Variants in CYP2S1 observed in about 807,000 individuals in gnomAD.
CYP2S1 encodes the protein cytochrome P450 2S1.
In CYP2S1, 32 loss-of-function variants were observed where a neutral mutation model predicts 43.5. The ratio of observed to expected loss-of-function variants is 0.74; its 90% confidence interval spans 0.56 to 0.99. The LOEUF (loss-of-function observed/expected upper bound fraction) is 0.99, where lower values mean the gene tolerates loss of function less well. Among genes scored for constraint, CYP2S1 ranks in the 50% least tolerant of loss-of-function variants. The probability of loss-of-function intolerance (pLI) is 0.00; values close to 1 mark genes in which losing one functional copy is unlikely to be tolerated. For synonymous variants in CYP2S1, 283 were observed against 302.9 expected, an observed-to-expected ratio of 0.93 and a Z score of 0.68; for missense variants, 575 against 673.9, an observed-to-expected ratio of 0.85 and a Z score of 1.62.
In CYP2S1 at chr19:41,196,760, G is replaced by A. The variant is rs16975054; in HGVS notation, c.344-1019G>A. The stretch of plus-strand genomic sequence containing the variant: ...TGGAGCAGGTGTCTTGGATAAGGGA[G>A]GAAAATGGTGCAGTTCCATCCTCCT... On this transcript the variant is annotated intron_variant, in intron 2 of 8. Coordinates refer to ENST00000310054, the MANE Select transcript of CYP2S1 (RefSeq NM_030622.8). 1.1e-3 allele frequency among the ~76,000 whole-genome samples: 173 copies of A among 152,244 alleles called. 4 individuals are homozygous for A. The East Asian group carries it at 0.031, about 27-fold the overall frequency.
intron 5 of CYP2S1, among the ~76,000 whole-genome samples, chr19:41,200,090 C>T (rs1000780713): frequency 8.6e-5 from 13 of 151,990 alleles, no homozygotes; most frequent in African/African-American, 1.2e-4. Flanking sequence ...AAGAATGGGG[C>T]CAATTCTTTA....
chr19:41,198,562 C>A lies in CYP2S1; in HGVS notation c.594C>A (p.Phe198Leu). 2 of 1,614,202 alleles carry A rather than the reference C, an allele frequency of 1.2e-6. No homozygotes were observed. Among genetic ancestry groups the A allele is most frequent in the Non-Finnish European group, 1.7e-6 (2 of 1,180,034 alleles). Reference sequence around the variant, plus strand: ...GCTTCTCCTATGAGGATAAGGAGTTCCAGGCCGTGGTCCGGGCAGCTGGTG... The same window carrying A: ...GCTTCTCCTATGAGGATAAGGAGTTACAGGCCGTGGTCCGGGCAGCTGGTG... ...GLRFSYEDKE[F>L]QAVVRAAGGT... The change falls in exon 4 of 9, where the codon TTC becomes TTA. Residue 198 changes from phenylalanine to leucine, a missense_variant. Phe to Leu is a conservative substitution (Grantham distance 22). Around this residue, in one of 2 missense-constraint regions of CYP2S1, gnomAD observed 353 missense variants for 367.6 expected, o/e 0.96. Coordinates refer to ENST00000310054, the MANE Select transcript of CYP2S1 (RefSeq NM_030622.8). The surrounding 1 kb of genome is among the most constrained non-coding windows in gnomAD (Gnocchi z 4.9).
intron 6 of CYP2S1, among the ~76,000 whole-genome samples, chr19:41,202,821 C>G (rs997184632): frequency 1.6e-4 from 24 of 151,098 alleles, no homozygotes; most frequent in African/African-American, 5.8e-4. Flanking sequence ...AGAGAGAAGG[C>G]CAGGTACGGT....
In CYP2S1 at chr19:41,202,693, G is replaced by T. The variant is rs148599546; in HGVS notation, c.977-757G>T. On this transcript the variant is annotated intron_variant, in intron 6 of 8. Coordinates refer to ENST00000310054, the MANE Select transcript of CYP2S1 (RefSeq NM_030622.8). ...TGGTCATAGCTACTCAGGAGACTGA[G>T]GTGGAAGGATCACCTGAGCCCAGGA... Among the ~76,000 whole-genome samples the T allele has an allele frequency of 7.6e-4, 115 of 152,092 alleles. 2 individuals are homozygous for T. Among genetic ancestry groups the T allele is most frequent in the African/African-American group, 2.7e-3 (113 of 41,510 alleles).
intron 7 of CYP2S1, among the ~76,000 whole-genome samples, chr19:41,205,352 T>C (rs566606094): frequency 1.0e-5 from 1 of 98,996 alleles, no homozygotes; most frequent in African/African-American, 7.9e-5. Flanking sequence ...TTTTCTTTCT[T>C]TCTTTCTTTC....
chr19:41,201,475 G>A (rs1420542827), intron 6 of CYP2S1, 103 bp downstream of exon 6: 1 of 1,480,170 alleles, frequency 6.8e-7, no homozygotes, highest in African/African-American at 1.4e-5. Context: ...GGAGGCTGAG[G>A]CGGGCTGATC....
rs372811960 is a variant in CYP2S1 at position 41,203,617 on chromosome 19, C to A, written c.1144C>A (p.Arg382=). 7 of 1,546,288 alleles carry A rather than the reference C, an allele frequency of 4.5e-6. No individual in the cohort carries two copies. The highest frequency in any genetic ancestry group is 5.2e-6 in the Non-Finnish European group (6 of 1,145,140). ...CACCCTCATGCGGACCACCCGCTTC[C>A]GAGGGTACACCCTGCCCCAGGTGGG... ...PRTLMRTTRF[R]GYTLPQGTEV... is the part of the protein sequence containing the mutation. Residue 382 remains arginine (R), a synonymous_variant, in exon 7 of 9, where the codon CGA becomes AGA. Transcript: ENST00000310054.
chr19:41,193,543 C>G (rs557730144), intron 1 of CYP2S1, 102 bp downstream of exon 1: 329 of 1,360,442 alleles, frequency 2.4e-4, no homozygotes, highest in Non-Finnish European at 2.9e-4. Context: ...AGGGAGGAGG[C>G]AGGGGCAGGG....
At chr19:41,200,513 C>G (rs1014466697) in intron 5 of CYP2S1, among the ~76,000 whole-genome samples, 1 of 152,080 alleles carries the variant, frequency 6.6e-6, no homozygotes, top group African/African-American at 2.4e-5. Context: ...GCTGGGACTA[C>G]AGGTGCCCGT....
At chr19:41,193,652 G>T in intron 1 of CYP2S1, 2 of 1,035,078 alleles carry the variant, frequency 1.9e-6, no homozygotes, top group Admixed American at 4.0e-5. Flanking sequence ...GAGGATCGTG[G>T]GGTGGGGGAC....
chr19:41,203,529 C>G lies in CYP2S1; in HGVS notation c.1056C>G (p.Tyr352Ter). Residue 352 changes from tyrosine to a stop codon, truncating the protein, a stop_gained, in exon 7 of 9, where the codon TAC (tyrosine) becomes TAG (stop). Coordinates refer to ENST00000310054, the MANE Select transcript of CYP2S1 (RefSeq NM_030622.8). LOFTEE classifies it high-confidence loss of function. ...TAGGGGACCGTACCCGCCTCCCTTA[C>G]ACCGACGCGGTTCTGCATGAGGCGC... Reference protein sequence around the residue: ...PSLGDRTRLPYTDAVLHEAQR... With the variant: ...PSLGDRTRLP The G allele has an allele frequency of 6.2e-7, 1 of 1,601,816 alleles. No individual in the cohort carries two copies. Among genetic ancestry groups the G allele is most frequent in the African/African-American group, 1.3e-5 (1 of 74,808 alleles).
In CYP2S1 at chr19:41,198,900, G is replaced by T. The variant is rs372839525; in HGVS notation, c.834+12G>T. 19 of 1,596,064 alleles carry T rather than the reference G, an allele frequency of 1.2e-5. No individual in the cohort carries two copies. In the Admixed American group the frequency reaches 2.0e-4, roughly 17 times the overall value. On this transcript the variant is annotated intron_variant, in intron 5 of 8. Transcript: ENST00000310054. The surrounding 1 kb of genome is among the most constrained non-coding windows in gnomAD (Gnocchi z 4.9). ...TGAAGATGGCACAGGTGTGGGAAGGGTGCAGGGACCCCCTCTCTGAATGGG... is the reference window on the plus strand; with the variant it reads ...TGAAGATGGCACAGGTGTGGGAAGGTTGCAGGGACCCCCTCTCTGAATGGG...
rs1409418312 is a variant in CYP2S1, at chr19:41,203,440, T to C, written c.977-10T>C. The C allele has an allele frequency of 1.9e-6, 3 of 1,587,644 alleles. No homozygotes were observed. The highest frequency in any genetic ancestry group is 2.7e-5 in the African/African-American group (2 of 73,828). On this transcript the variant is annotated splice_polypyrimidine_tract_variant and intron_variant, in intron 6 of 8. Transcript: ENST00000310054. ...CCCCCGTCTGACTCCTGCCCTCCTCTTGCTTGCAGAGTGGGTACGTGAGGA... is the reference window on the plus strand; with the variant it reads ...CCCCCGTCTGACTCCTGCCCTCCTCCTGCTTGCAGAGTGGGTACGTGAGGA...
rs970104453 is a variant in CYP2S1 at position 41,193,410 on chromosome 19, G to A, written c.146G>A (p.Arg49Gln). Residue 49 changes from arginine to glutamine, a missense_variant, in exon 1 of 9, where the codon CGG (arginine) becomes CAG (glutamine). Physicochemically the swap from Arg to Gln is conservative, Grantham distance 43. Coordinates refer to ENST00000310054, the MANE Select transcript of CYP2S1 (RefSeq NM_030622.8). ...CTGCTGGGAAACCTCCTGCAGCTAC[G>A]GCCCGGGGCGCTGTATTCAGGGCTC... ...LPLLGNLLQL[R>Q]PGALYSGLMR... The A allele has an allele frequency of 3.3e-6, 5 of 1,503,936 alleles. No individual in the cohort carries two copies. The highest frequency in any genetic ancestry group is 3.6e-6 in the Non-Finnish European group (4 of 1,124,460). 93.2% of individuals were successfully genotyped at this position (1,503,936 alleles called of 1,614,324 possible). A position where few individuals can be genotyped will look rare whatever the true frequency, so the allele number is the denominator to read the frequency against.
At chr19:41,201,462 T>G in intron 6 of CYP2S1, 90 bp downstream of exon 6, 1 of 1,512,942 alleles carries the variant, frequency 6.6e-7, no homozygotes, top group East Asian at 2.3e-5. Context: ...TCCCAGCACT[T>G]TGGGAGGCTG....
Position 41,197,842 on chromosome 19 carries a change from G to A in CYP2S1, c.407G>A (p.Arg136Gln). 1 of 1,614,146 alleles carries A rather than the reference G, an allele frequency of 6.2e-7. No homozygotes were observed. The highest frequency in any genetic ancestry group is 1.1e-5 in the South Asian group (1 of 91,074). Residue 136 changes from arginine (R) to glutamine (Q), a missense_variant, in exon 3 of 9, where the codon CGG becomes CAG. This residue lies in a region of CYP2S1 where 353 missense variants were observed against 367.6 expected (regional missense o/e 0.96). Transcript: ENST00000310054. ...QLRKFTMLAL[R>Q]DLGMGKREGE... is the part of the protein sequence containing the mutation. ...AGGAAGTTTACCATGCTTGCTCTGCGGGACCTGGGCATGGGGAAGCGAGAA... is the reference window on the plus strand; with the variant it reads ...AGGAAGTTTACCATGCTTGCTCTGCAGGACCTGGGCATGGGGAAGCGAGAA...
chr19:41,205,342 T>TTTCTTTCTTTCTTTCTTTCTTTC (rs1555727533), intron 7 of CYP2S1, among the ~76,000 whole-genome samples: 2 of 111,718 alleles, frequency 1.8e-5, no homozygotes, highest in East Asian at 2.6e-4. Context: ...TTCTTTCTTT[T>TTTCTTTCTTTCTTTCTTTCTTTC]TTTCTTTCTT....
At position 41,198,763 on chromosome 19, in the gene CYP2S1, C is replaced by T. The variant is rs763159842; in HGVS notation, c.709C>T (p.Leu237Phe). The T allele has an allele frequency of 9.9e-6, 16 of 1,614,108 alleles. No homozygotes were observed. The highest frequency in any genetic ancestry group is 1.4e-5 in the Non-Finnish European group (16 of 1,180,046). ...GCCCCTGCCAGGCCCCCACAAGCAGCTCCTCCACCACGTCAGCACCTTGGC... is the reference window on the plus strand; with the variant it reads ...GCCCCTGCCAGGCCCCCACAAGCAGTTCCTCCACCACGTCAGCACCTTGGC... ...LRPLPGPHKQ[L>F]LHHVSTLAAF... The change falls in exon 5 of 9, where the codon CTC (leucine) becomes TTC (phenylalanine). Residue 237 changes from leucine (L) to phenylalanine (F), a missense_variant. This residue lies in a region of CYP2S1 where 353 missense variants were observed against 367.6 expected (regional missense o/e 0.96). Transcript: ENST00000310054. This position sits in a 1 kb window ranked among gnomAD's most constrained non-coding sequence, Gnocchi z 4.9.
chr19:41,206,614 T>C lies in CYP2S1; in HGVS notation c.*126T>C. 1 of 1,227,576 alleles carries C rather than the reference T, an allele frequency of 8.1e-7. No homozygotes were observed. Among genetic ancestry groups the C allele is most frequent in the Non-Finnish European group, 1.2e-6 (1 of 837,778 alleles). The allele number at this position is 1,227,576 out of a possible 1,614,324, so 76.0% of individuals were successfully genotyped here. On this transcript the variant is annotated 3_prime_UTR_variant, in exon 9 of 9. Coordinates refer to ENST00000310054, the MANE Select transcript of CYP2S1 (RefSeq NM_030622.8). Reference sequence around the variant, plus strand: ...GCCACATTTACACGCCTGCAGTTGTTTTCCGGAGTCTGTCCCACGGCCCAC... The same window carrying C: ...GCCACATTTACACGCCTGCAGTTGTCTTCCGGAGTCTGTCCCACGGCCCAC...
Sources: gnomAD v4.1 joint callset for allele counts (sites outside exome capture counted in the v4.1 genomes callset) on GRCh38, gnomAD v4.1.1 for gene constraint, gnomAD v4.1.1 regional missense constraint, Gnocchi (gnomAD v3.1) non-coding constraint, MANE v1.5 for transcripts, NCBI Gene and HGNC (gene_info 2026-07-23, HGNC 2026-07-21) for gene names.